PPP1R3C: variants seen among roughly 807,000 people sequenced by gnomAD.
PPP1R3C encodes PP1 subunit R5.
In PPP1R3C, 20 loss-of-function variants were observed where a neutral mutation model predicts 29.3. The observed-to-expected ratio is 0.68, with a 90% CI of 0.48 to 0.99. The LOEUF (loss-of-function observed/expected upper bound fraction) is 0.99, where lower values mean the gene tolerates loss of function less well. Among genes scored for constraint, PPP1R3C ranks in the 50% least tolerant of loss-of-function variants. The pLI is 0.00. For synonymous variants in PPP1R3C, 123 were observed against 143.1 expected (o/e 0.86, Z 1.00); for missense variants, 321 against 386.0 (o/e 0.83, Z 1.41).
At position 91,630,334 on chromosome 10, in the gene PPP1R3C, T is replaced by C; in HGVS notation, c.547A>G (p.Lys183Glu). 1 of 1,614,212 alleles carries C rather than the reference T, an allele frequency of 6.2e-7. No homozygotes were observed. Among genetic ancestry groups the C allele is most frequent in the Non-Finnish European group, 8.5e-7 (1 of 1,180,042 alleles). Reference sequence around the variant, plus strand: ...TCGAAAGTGATACGGATCTGAACTTTCTTCTCAAAACTCACATTTTTGACT... The same window carrying C: ...TCGAAAGTGATACGGATCTGAACTTCCTTCTCAAAACTCACATTTTTGACT... The part of the protein sequence containing the change: ...VKVKNVSFEK[K>E]VQIRITFDSW... Residue 183 changes from lysine (K) to glutamate (E), a missense_variant, in exon 2 of 2, where the codon AAA becomes GAA. Transcript: ENST00000238994. This position sits in a 1 kb window ranked among gnomAD's most constrained non-coding sequence, Gnocchi z 4.4.
chr10:91,630,819 G>A lies in PPP1R3C; in HGVS notation c.62C>T (p.Pro21Leu), dbSNP rs1278712081. The change falls in exon 2 of 2, where the codon CCC (proline) becomes CTC (leucine). Residue 21 changes from proline (P) to leucine (L), a missense_variant. Coordinates refer to ENST00000238994, the MANE Select transcript of PPP1R3C (RefSeq NM_005398.7). The surrounding 1 kb of genome is among the most constrained non-coding windows in gnomAD (Gnocchi z 4.4). The stretch of plus-strand genomic sequence containing the variant: ...GCAAAGCCTCATGGCCACATCCACG[G>A]GCATGACCGAACTTGTCAAAGGACG... ...DPRPLTSSVM[P>L]VDVAMRLCLA... The A allele has an allele frequency of 6.2e-7, 1 of 1,613,986 alleles. No individual in the cohort carries two copies. Among genetic ancestry groups the A allele is most frequent in the Non-Finnish European group, 8.5e-7 (1 of 1,180,036 alleles).
In PPP1R3C at chr10:91,630,441, C is replaced by A. The variant is rs1554891254; in HGVS notation, c.440G>T (p.Ser147Ile). The A allele has an allele frequency of 1.9e-6, 3 of 1,614,202 alleles. No homozygotes were observed. The South Asian group carries it at 3.3e-5, about 18-fold the overall frequency. ...DFPQPSTDYLSFRSHFQKNFV... is the reference protein window; with the variant it reads ...DFPQPSTDYLIFRSHFQKNFV... ...GTTCTTCTGAAAGTGGCTCCGGAAA[C>A]TTAAGTAATCGGTTGAAGGCTGAGG... The change falls in exon 2 of 2, where the codon AGT becomes ATT. Residue 147 changes from serine to isoleucine, a missense_variant. Physicochemically the swap from Ser to Ile is moderately radical, Grantham distance 142. Transcript: ENST00000238994. This position sits in a 1 kb window ranked among gnomAD's most constrained non-coding sequence, Gnocchi z 4.4.
At position 91,630,167 on chromosome 10, in the gene PPP1R3C, G is replaced by A. The variant is rs1261945550; in HGVS notation, c.714C>T (p.Tyr238=). Reference sequence around the variant, plus strand: ...CCCAAAAGACTTGCCCATTAGCATGGTAAGAAATGCAGAACTCAATTTTCT... The same window carrying A: ...CCCAAAAGACTTGCCCATTAGCATGATAAGAAATGCAGAACTCAATTTTCT... ...TEQKIEFCIS[Y]HANGQVFWDN... is the part of the protein sequence containing the mutation. The change falls in exon 2 of 2, where the codon TAC becomes TAT. Residue 238 remains tyrosine (Y), a synonymous_variant. Transcript: ENST00000238994. This position sits in a 1 kb window ranked among gnomAD's most constrained non-coding sequence, Gnocchi z 4.4. The A allele has an allele frequency of 6.2e-7, 1 of 1,614,188 alleles. No individual in the cohort carries two copies. Among genetic ancestry groups the A allele is most frequent in the East Asian group, 2.2e-5 (1 of 44,880 alleles).
At position 91,629,867 on chromosome 10, in the gene PPP1R3C, C is replaced by T. The variant is rs1291036336; in HGVS notation, c.*60G>A. The T allele has an allele frequency of 6.3e-7, 1 of 1,576,752 alleles. No homozygotes were observed. The highest frequency in any genetic ancestry group is 8.7e-7 in the Non-Finnish European group (1 of 1,150,034). On this transcript the variant is annotated 3_prime_UTR_variant, in exon 2 of 2. Transcript: ENST00000238994. The stretch of plus-strand genomic sequence containing the variant: ...AAAGGCTTCCTAAAATTGAGCAATA[C>T]AGACCTAGGATTGCATGGGGGAATA...
chr10:91,628,731 C>T lies in PPP1R3C; in HGVS notation c.*1196G>A, dbSNP rs989035480. On this transcript the variant is annotated 3_prime_UTR_variant, in exon 2 of 2. Coordinates refer to ENST00000238994, the MANE Select transcript of PPP1R3C (RefSeq NM_005398.7). ...TGCACACACAAAAACAAGTATAATA[C>T]AAAACATTCAAAACAAGTCACATCC... 6 of 152,100 alleles carry T rather than the reference C, an allele frequency of 3.9e-5. No individual in the cohort carries two copies. Among genetic ancestry groups the T allele is most frequent in the Non-Finnish European group, 7.4e-5 (5 of 67,994 alleles). 9.4% of individuals were successfully genotyped at this position (152,100 alleles called of 1,614,324 possible). A position where few individuals can be genotyped will look rare whatever the true frequency, so the allele number is the denominator to read the frequency against.
chr10:91,629,638 G>A lies in PPP1R3C; in HGVS notation c.*289C>T. 1 of 440,550 alleles carries A rather than the reference G, an allele frequency of 2.3e-6. No homozygotes were observed. The highest frequency in any genetic ancestry group is 4.1e-6 in the Non-Finnish European group (1 of 241,048). 27.3% of individuals were successfully genotyped at this position (440,550 alleles called of 1,614,324 possible). On this transcript the variant is annotated 3_prime_UTR_variant, in exon 2 of 2. Coordinates refer to ENST00000238994, the MANE Select transcript of PPP1R3C (RefSeq NM_005398.7). Reference sequence around the variant, plus strand: ...TCCTCAACTTTTCCTTGCCCAACATGAAAGCTAGTGGATTGAGAGGGAAGG... The same window carrying A: ...TCCTCAACTTTTCCTTGCCCAACATAAAAGCTAGTGGATTGAGAGGGAAGG...
In PPP1R3C at chr10:91,629,223, T is replaced by C. The variant is rs1848686596; in HGVS notation, c.*704A>G. On this transcript the variant is annotated 3_prime_UTR_variant, in exon 2 of 2. Coordinates refer to ENST00000238994, the MANE Select transcript of PPP1R3C (RefSeq NM_005398.7). ...CTGACAGTTTGATCACAAAGTCACTTATAACATCAGGACTACAAAGCCAGA... is the reference window on the plus strand; with the variant it reads ...CTGACAGTTTGATCACAAAGTCACTCATAACATCAGGACTACAAAGCCAGA... The C allele has an allele frequency of 1.3e-5, 2 of 152,332 alleles. No homozygotes were observed. 9.4% of individuals were successfully genotyped at this position (152,332 alleles called of 1,614,324 possible). A position where few individuals can be genotyped will look rare whatever the true frequency, so the allele number is the denominator to read the frequency against.
At chr10:91,632,873 T>C (rs965611434) in intron 1 of PPP1R3C, 83 bp downstream of exon 1, 12 of 1,541,440 alleles carry the variant, frequency 7.8e-6, no homozygotes, top group East Asian at 2.4e-5. Context: ...TTTCCAGAGA[T>C]GATAGAACTG....
Position 91,630,384 on chromosome 10 carries a change from T to G in PPP1R3C, c.497A>C (p.Glu166Ala). ...TTTAACAGTCCCTGTCACTGTTCGC[T>G]CTTGCAACGAGCAGTTCTCCAGACA... ...FVCLENCSLQ[E>A]RTVTGTVKVK... The change falls in exon 2 of 2, where the codon GAG becomes GCG. Residue 166 changes from glutamate (E) to alanine (A), a missense_variant. Transcript: ENST00000238994. The surrounding 1 kb of genome is among the most constrained non-coding windows in gnomAD (Gnocchi z 4.4). The G allele has an allele frequency of 6.2e-7, 1 of 1,614,234 alleles. No homozygotes were observed.
rs1289653574 is a variant in PPP1R3C, at chr10:91,629,676, G to A, written c.*251C>T. ...TTGAGAGGGAAGGAAGAAGGGAACTGAAAAAGTATTACCTTTATAAAAATA... is the reference window on the plus strand; with the variant it reads ...TTGAGAGGGAAGGAAGAAGGGAACTAAAAAAGTATTACCTTTATAAAAATA... On this transcript the variant is annotated 3_prime_UTR_variant, in exon 2 of 2. Transcript: ENST00000238994. 1.9e-6 allele frequency: 1 copy of A among 533,288 alleles called. No homozygotes were observed. The highest frequency in any genetic ancestry group is 1.9e-5 in the African/African-American group (1 of 52,784). 33.0% of individuals were successfully genotyped at this position (533,288 alleles called of 1,614,324 possible). A position where few individuals can be genotyped will look rare whatever the true frequency, so the allele number is the denominator to read the frequency against.
At chr10:91,632,871 G>A (rs1376932388) in intron 1 of PPP1R3C, 85 bp downstream of exon 1, 6 of 1,537,890 alleles carry the variant, frequency 3.9e-6, no homozygotes, top group East Asian at 2.4e-5. Context: ...CATTTCCAGA[G>A]ATGATAGAAC....
rs189814520 is a variant in PPP1R3C at position 91,631,035 on chromosome 10, T to C, written c.15-169A>G. Among the ~76,000 whole-genome samples the C allele has an allele frequency of 2.2e-3, 329 of 152,340 alleles. 2 individuals are homozygous for C. The highest frequency in any genetic ancestry group is 7.5e-3 in the African/African-American group (311 of 41,578). On this transcript the variant is annotated intron_variant, in intron 1 of 1. Transcript: ENST00000238994. Reference sequence around the variant, plus strand: ...AGAACAGTATTAAGTGATCAGATCTTCTATGTCTACCTCTACCCTTGGCCG... The same window carrying C: ...AGAACAGTATTAAGTGATCAGATCTCCTATGTCTACCTCTACCCTTGGCCG...
In PPP1R3C at chr10:91,629,878, T is replaced by C; in HGVS notation, c.*49A>G. ...AAAATTGAGCAATACAGACCTAGGA[T>C]TGCATGGGGGAATATGACAAGTCAA... On this transcript the variant is annotated 3_prime_UTR_variant, in exon 2 of 2. Coordinates refer to ENST00000238994, the MANE Select transcript of PPP1R3C (RefSeq NM_005398.7). The C allele has an allele frequency of 1.9e-6, 3 of 1,595,102 alleles. No homozygotes were observed. Among genetic ancestry groups the C allele is most frequent in the East Asian group, 2.2e-5 (1 of 44,804 alleles).
At chr10:91,632,510 C>A (rs1388108530) in intron 1 of PPP1R3C, among the ~76,000 whole-genome samples, 1 of 151,696 alleles carries the variant, frequency 6.6e-6, no homozygotes, top group Non-Finnish European at 1.5e-5. Context: ...TGCTCAAACT[C>A]TTGAGATTTT....
chr10:91,629,831 G>C lies in PPP1R3C; in HGVS notation c.*96C>G. The stretch of plus-strand genomic sequence containing the variant: ...TCAAAAGCTCAAATCTAAACCTACT[G>C]ATGGAGTAGCAAAGGCTTCCTAAAA... On this transcript the variant is annotated 3_prime_UTR_variant, in exon 2 of 2. Coordinates refer to ENST00000238994, the MANE Select transcript of PPP1R3C (RefSeq NM_005398.7). The C allele has an allele frequency of 7.6e-7, 1 of 1,309,002 alleles. No homozygotes were observed. The highest frequency in any genetic ancestry group is 1.1e-6 in the Non-Finnish European group (1 of 919,178). The allele number at this position is 1,309,002 out of a possible 1,614,324, so 81.1% of individuals were successfully genotyped here. A position where few individuals can be genotyped will look rare whatever the true frequency, so the allele number is the denominator to read the frequency against.
At position 91,630,671 on chromosome 10, in the gene PPP1R3C, T is replaced by C. The variant is rs1458143029; in HGVS notation, c.210A>G (p.Ser70=). 5.6e-6 allele frequency: 9 copies of C among 1,612,794 alleles called. No individual in the cohort carries two copies. The Admixed American group carries it at 8.3e-5, about 15-fold the overall frequency. ...SCLNIKHKAK[S]QNDWKCSHNQ... The stretch of plus-strand genomic sequence containing the variant: ...TGTGTGAGCACTTCCAGTCATTCTG[T>C]GATTTGGCTTTGTGTTTTATATTGA... Residue 70 remains serine (S), a synonymous_variant, in exon 2 of 2, where the codon TCA becomes TCG. Coordinates refer to ENST00000238994, the MANE Select transcript of PPP1R3C (RefSeq NM_005398.7). The surrounding 1 kb of genome is among the most constrained non-coding windows in gnomAD (Gnocchi z 4.4).
At position 91,630,491 on chromosome 10, in the gene PPP1R3C, C is replaced by T. The variant is rs1163326280; in HGVS notation, c.390G>A (p.Glu130=). 5 of 1,613,972 alleles carry T rather than the reference C, an allele frequency of 3.1e-6. No homozygotes were observed. Among genetic ancestry groups the T allele is most frequent in the East Asian group, 2.2e-5 (1 of 44,890 alleles). Residue 130 remains glutamate (E), a synonymous_variant, in exon 2 of 2, where the codon GAG becomes GAA. Coordinates refer to ENST00000238994, the MANE Select transcript of PPP1R3C (RefSeq NM_005398.7). This position sits in a 1 kb window ranked among gnomAD's most constrained non-coding sequence, Gnocchi z 4.4. ...NDISSALKHH[E]EKNLILDFPQ... is the part of the protein sequence containing the mutation. ...GGAAATCTAAAATCAAGTTTTTCTCCTCGTGGTGTTTTAAGGCAGAGGAGA... is the reference window on the plus strand; with the variant it reads ...GGAAATCTAAAATCAAGTTTTTCTCTTCGTGGTGTTTTAAGGCAGAGGAGA...
chr10:91,629,932 G>C lies in PPP1R3C; in HGVS notation c.949C>G (p.Arg317Gly), dbSNP rs747930364. ...WGRMENLASY[R>G] ...CAGTTACATTGTTGCTTAATTCATC[G>C]ATAAGAGGCCAAGTTCTCCATTCTC... The change falls in exon 2 of 2, where the codon CGA (arginine) becomes GGA (glycine). Residue 317 changes from arginine to glycine, a missense_variant. Arg to Gly is a moderately radical substitution (Grantham distance 125, BLOSUM62 -2). Coordinates refer to ENST00000238994, the MANE Select transcript of PPP1R3C (RefSeq NM_005398.7). 5 of 1,614,080 alleles carry C rather than the reference G, an allele frequency of 3.1e-6. No homozygotes were observed. Among genetic ancestry groups the C allele is most frequent in the Admixed American group, 1.7e-5 (1 of 60,012 alleles).
chr10:91,630,887 G>A lies in PPP1R3C; in HGVS notation c.15-21C>T. ...TCATTCTGGAATGCAAAAAGAAGAG[G>A]GATTATCACCTGGATCGGAAATGCT... On this transcript the variant is annotated intron_variant, in intron 1 of 1. Transcript: ENST00000238994. The surrounding 1 kb of genome is among the most constrained non-coding windows in gnomAD (Gnocchi z 4.4). The A allele has an allele frequency of 6.3e-7, 1 of 1,592,666 alleles. No homozygotes were observed. Among genetic ancestry groups the A allele is most frequent in the Non-Finnish European group, 8.6e-7 (1 of 1,168,232 alleles).
Sources: allele counts gnomAD v4.1 joint callset (sites outside exome capture counted in the v4.1 genomes callset), GRCh38; gene constraint gnomAD v4.1.1; non-coding constraint Gnocchi (gnomAD v3.1); transcripts MANE v1.5; gene names NCBI Gene and HGNC (gene_info 2026-07-23, HGNC 2026-07-21).